The following WWOX variants were observed in gnomAD, a reference collection of about 807,000 sequenced individuals.
WWOX encodes the protein WW domain containing oxidoreductase.
Under a neutral mutation model 46.2 loss-of-function variants are expected in WWOX, and 69 were observed. The observed-to-expected ratio is 1.49, with a 90% CI of 1.23 to 1.82. The LOEUF is 1.82. Among genes scored for constraint, WWOX ranks in the 40% most tolerant of loss-of-function variants. The pLI, the probability that WWOX is intolerant of heterozygous loss-of-function variation, is 0.00. For missense variants in WWOX, 919 were observed against 542.6 expected (o/e 1.69, Z -6.89); for synonymous variants, 359 against 202.6 (o/e 1.77, Z -6.56).
intron 8 of WWOX, among the ~76,000 whole-genome samples, chr16:79,147,237 C>T (rs2050198071): frequency 6.6e-6 from 1 of 152,190 alleles, no homozygotes; most frequent in Admixed American, 6.5e-5. Flanking sequence ...TTGCAAACCA[C>T]ACCCACCTTC....
intron 8 of WWOX, among the ~76,000 whole-genome samples, chr16:78,531,470 C>G (rs545379354): frequency 5.3e-5 from 8 of 152,036 alleles, no homozygotes; most frequent in African/African-American, 1.9e-4. Flanking sequence ...TTATGTCATA[C>G]CAAAAATTAT....
Position 78,662,226 on chromosome 16 carries a change from C to G in WWOX, c.1056+229474C>G, listed in dbSNP as rs373420293. On this transcript the variant is annotated intron_variant, in intron 8 of 8. Coordinates refer to ENST00000566780, the MANE Select transcript of WWOX (RefSeq NM_016373.4). ...ATAAGTGAGGTTTGTATAACCGAGG[C>G]CAGATCTTAGAACCTCCTGCTATCT... Among the ~76,000 whole-genome samples, 17 of 152,104 alleles carry G rather than the reference C, an allele frequency of 1.1e-4. No homozygotes were observed. In the East Asian group the frequency reaches 1.6e-3, roughly 14 times the overall value.
chr16:78,861,723 G>T (rs1370939339), intron 8 of WWOX, among the ~76,000 whole-genome samples: 1 of 152,046 alleles, frequency 6.6e-6, no homozygotes, highest in Non-Finnish European at 1.5e-5. Context: ...TTGAATTCCA[G>T]GTAAAAACCT....
chr16:78,710,795 T>C (rs954035955), intron 8 of WWOX, among the ~76,000 whole-genome samples: 1 of 151,508 alleles, frequency 6.6e-6, no homozygotes, highest in African/African-American at 2.4e-5. Context: ...TTTAATTTTT[T>C]GTAGAGATAG....
At position 78,982,648 on chromosome 16, in the gene WWOX, T is replaced by A. The variant is rs538210328; in HGVS notation, c.1057-228960T>A. Among the ~76,000 whole-genome samples the A allele has an allele frequency of 9.8e-5, 15 of 152,326 alleles. 1 individual carries two copies. The highest frequency in any genetic ancestry group is 3.4e-3 in the Middle Eastern group (1 of 294). On this transcript the variant is annotated intron_variant, in intron 8 of 8. Transcript: ENST00000566780. ...GCAGAGAAGGAGGGAAGGACTAATA[T>A]TTCTGGTGCAGGAGGACTGTTAATA...
intron 5 of WWOX, among the ~76,000 whole-genome samples, chr16:78,366,888 G>A (rs72796003): frequency 0.054 from 8,071 of 150,112 alleles, 286 homozygotes; most frequent in East Asian, 0.12. Flanking sequence ...TTTCAAACTT[G>A]CTTAATCCAA....
intron 8 of WWOX, among the ~76,000 whole-genome samples, chr16:78,542,990 G>C (rs2043934632): frequency 6.6e-6 from 1 of 152,164 alleles, no homozygotes. Flanking sequence ...TTCCTTTCAT[G>C]GTCTACCTGT....
At chr16:78,173,954 G>A (rs979328846) in intron 5 of WWOX, among the ~76,000 whole-genome samples, 3 of 149,210 alleles carry the variant, frequency 2.0e-5, no homozygotes, top group Non-Finnish European at 3.0e-5. Flanking sequence ...GAGCTGAGAG[G>A]AATTGAGAGA....
chr16:78,525,740 T>C (rs1351073873), intron 8 of WWOX: 1 of 151,832 alleles, frequency 6.6e-6, no homozygotes, highest in African/African-American at 2.4e-5. Flanking sequence ...TAGGGCCACA[T>C]CTTCCCCTTT....
intron 8 of WWOX, among the ~76,000 whole-genome samples, chr16:79,065,463 T>G (rs530532710): frequency 1.6e-4 from 25 of 152,302 alleles, no homozygotes; most frequent in African/African-American, 5.8e-4. Context: ...CCTCGTGCAC[T>G]GGGTCAGCCT....
intron 5 of WWOX, among the ~76,000 whole-genome samples, chr16:78,385,781 C>G (rs189382163): frequency 6.6e-6 from 1 of 152,194 alleles, no homozygotes; most frequent in African/African-American, 2.4e-5. Context: ...ATTCCCAAGT[C>G]AACCGTTTGT....
At chr16:78,179,632 C>T (rs2035465514) in intron 5 of WWOX, 1 of 152,144 alleles carries the variant, frequency 6.6e-6, no homozygotes, top group East Asian at 1.9e-4. Flanking sequence ...CAGTGCTAAG[C>T]ACTTTAAATG....
At chr16:78,907,809 A>C (rs1238013886) in intron 8 of WWOX, among the ~76,000 whole-genome samples, 1 of 152,116 alleles carries the variant, frequency 6.6e-6, no homozygotes, top group Non-Finnish European at 1.5e-5. Context: ...AGTCCTAGGG[A>C]AACAGGACTA....
intron 8 of WWOX, among the ~76,000 whole-genome samples, chr16:78,953,463 C>G (rs1224574438): frequency 7.0e-6 from 1 of 143,258 alleles, no homozygotes; most frequent in South Asian, 2.2e-4. Flanking sequence ...ACCTCTGCCC[C>G]ACTCTATGTA....
intron 8 of WWOX, among the ~76,000 whole-genome samples, chr16:78,804,167 G>T (rs556538811): frequency 6.6e-6 from 1 of 152,180 alleles, no homozygotes; most frequent in Admixed American, 6.5e-5. Context: ...TTTAATAAGG[G>T]CTGGGGGTCC....
At chr16:78,634,841 T>A (rs62039375) in intron 8 of WWOX, among the ~76,000 whole-genome samples, 49,185 of 98,786 alleles carry the variant, frequency 0.5, 9,525 homozygotes, top group Middle Eastern at 0.63. Context: ...AGAGAGAGTG[T>A]GTGTGTGTGT....
chr16:78,483,326 G>C (rs746751187), intron 8 of WWOX, among the ~76,000 whole-genome samples: 6 of 151,376 alleles, frequency 4.0e-5, no homozygotes, highest in Admixed American at 3.9e-4. Flanking sequence ...GTGTGCCTCC[G>C]CTTTCATGAA....
chr16:78,752,909 G>A (rs759267746), intron 8 of WWOX, among the ~76,000 whole-genome samples: 1 of 152,198 alleles, frequency 6.6e-6, no homozygotes, highest in Non-Finnish European at 1.5e-5. Flanking sequence ...GGTGCCACCA[G>A]CAGCAACGGC....
At chr16:78,658,759 TA>T (rs1263752252) in intron 8 of WWOX, among the ~76,000 whole-genome samples, 1 of 152,066 alleles carries the variant, frequency 6.6e-6, no homozygotes, top group East Asian at 1.9e-4. Context: ...CATTTTACCT[TA>T]ACAAGTTGCA....
Sources: allele counts gnomAD v4.1 joint callset (sites outside exome capture counted in the v4.1 genomes callset), GRCh38; gene constraint gnomAD v4.1.1; transcripts MANE v1.5; gene names NCBI Gene and HGNC (gene_info 2026-07-23, HGNC 2026-07-21).